The following CDK7 variants were observed in gnomAD, a reference collection of about 807,000 sequenced individuals.
CDK7 encodes the protein cyclin dependent kinase 7, also known as cyclin-dependent kinase 7.
CDK7 carries 25 observed loss-of-function variants against 49.1 expected under a neutral mutation model. That is an observed-to-expected ratio of 0.51 (90% CI 0.37 to 0.71). CDK7 has a LOEUF of 0.71. Among genes scored for constraint, CDK7 ranks in the 30% least tolerant of loss-of-function variants. CDK7 has a pLI of 0.00. For missense variants in CDK7, 316 were observed against 411.7 expected (o/e 0.77, Z 2.01); for synonymous variants, 107 against 140.0 (o/e 0.76, Z 1.67).
At chr5:69,275,079 AG>A (rs1751978128) in intron 10 of CDK7, among the ~76,000 whole-genome samples, 1 of 151,872 alleles carries the variant, frequency 6.6e-6, no homozygotes. Context: ...AAAAAAAAAA[AG>A]ACAAGCATGA....
At chr5:69,265,587 TG>T (rs1561370048) in intron 8 of CDK7, among the ~76,000 whole-genome samples, 1 of 152,208 alleles carries the variant, frequency 6.6e-6, no homozygotes, top group African/African-American at 2.4e-5. Flanking sequence ...CAGTTTGCTC[TG>T]AGGGTAACTA....
chr5:69,245,860 A>AT (rs1749719858), intron 2 of CDK7, among the ~76,000 whole-genome samples: 1 of 152,146 alleles, frequency 6.6e-6, no homozygotes, highest in Admixed American at 6.6e-5. Flanking sequence ...GTAGCCACTA[A>AT]TTATCCTTTG....
In CDK7 at chr5:69,262,315, A is replaced by G. The variant is rs1430504130; in HGVS notation, c.627+11A>G. 6.2e-7 allele frequency: 1 copy of G among 1,614,098 alleles called. No homozygotes were observed. Among genetic ancestry groups the G allele is most frequent in the Admixed American group, 1.7e-5 (1 of 60,034 alleles). ...GAGTTACTTCTAAGGGTAAGTCTAA[A>G]TTAATGTACGCACTTTAATATTGTT... On this transcript the variant is annotated intron_variant, in intron 8 of 11. Coordinates refer to ENST00000256443, the MANE Select transcript of CDK7 (RefSeq NM_001799.4).
chr5:69,245,715 A>G (rs895258793), intron 2 of CDK7, among the ~76,000 whole-genome samples: 1 of 152,016 alleles, frequency 6.6e-6, no homozygotes, highest in African/African-American at 2.4e-5. Flanking sequence ...TTATTATGGC[A>G]TCAATCTCAT....
chr5:69,235,318 T>G, intron 1 of CDK7, 76 bp from the exon 2 acceptor site: 1 of 1,147,540 alleles, frequency 8.7e-7, no homozygotes, highest in Non-Finnish European at 1.3e-6. Context: ...GCTCTTTGCT[T>G]CGCGAAATGT....
At chr5:69,262,444 G>C (rs1337945321) in intron 8 of CDK7, 140 bp downstream of exon 8, 1 of 1,064,030 alleles carries the variant, frequency 9.4e-7, no homozygotes, top group Non-Finnish European at 1.4e-6. Context: ...CGAGGCAGGT[G>C]GATCACTTGA....
intron 8 of CDK7, among the ~76,000 whole-genome samples, chr5:69,265,091 G>A (rs1250753948): frequency 6.6e-6 from 1 of 151,848 alleles, no homozygotes; most frequent in Non-Finnish European, 1.5e-5. Context: ...GTGAAACCCC[G>A]TCTCTGTTGA....
intron 2 of CDK7, among the ~76,000 whole-genome samples, chr5:69,246,263 A>G (rs1667331626): frequency 6.6e-6 from 1 of 152,000 alleles, no homozygotes; most frequent in South Asian, 2.1e-4. Flanking sequence ...CAGCCTCCTG[A>G]GTAGCTGGGA....
chr5:69,261,183 C>A (rs1029561120), intron 7 of CDK7, among the ~76,000 whole-genome samples: 1 of 152,102 alleles, frequency 6.6e-6, no homozygotes, highest in Non-Finnish European at 1.5e-5. Context: ...GTATAAATCA[C>A]CTAAGCCCTG....
chr5:69,255,369 A>T, intron 4 of CDK7, 91 bp from the exon 5 acceptor site: 1 of 693,432 alleles, frequency 1.4e-6, no homozygotes, highest in Non-Finnish European at 2.5e-6. Flanking sequence ...AACAGTTTAA[A>T]TGCTTTTTAA....
At chr5:69,239,210 T>C (rs1426989226) in intron 2 of CDK7, among the ~76,000 whole-genome samples, 1 of 152,218 alleles carries the variant, frequency 6.6e-6, no homozygotes, top group African/African-American at 2.4e-5. Context: ...TGGACCAGTT[T>C]ACTGTCCCAC....
At chr5:69,267,847 CT>C (rs1269510283) in intron 8 of CDK7, among the ~76,000 whole-genome samples, 1 of 152,130 alleles carries the variant, frequency 6.6e-6, no homozygotes, top group African/African-American at 2.4e-5. Flanking sequence ...ACAATTTGGC[CT>C]GCAAAGTGAG....
At chr5:69,273,129 A>G (rs1751737735) in intron 10 of CDK7, 88 bp downstream of exon 10, 4 of 935,774 alleles carry the variant, frequency 4.3e-6, no homozygotes, top group Admixed American at 5.9e-5. Context: ...TAAAATTAAC[A>G]TTTTTTAAAT....
At chr5:69,272,143 A>G (rs1479949065) in intron 9 of CDK7, among the ~76,000 whole-genome samples, 1 of 152,100 alleles carries the variant, frequency 6.6e-6, no homozygotes, top group Non-Finnish European at 1.5e-5. Flanking sequence ...TATTTGTTGA[A>G]ATGACGGTCT....
Position 69,262,229 on chromosome 5 carries a change from ATTT to A in CDK7, c.553_555del (p.Phe185del). 1 of 1,613,984 alleles carries A rather than the reference ATTT, an allele frequency of 6.2e-7. No homozygotes were observed. The highest frequency in any genetic ancestry group is 1.7e-4 in the Middle Eastern group (1 of 5,896). ...GGTGGTATCGGGCCCCCGAGTTACT[ATTT>A]GGAGCTAGGATGTATGGTGTAGGTG... On this transcript the variant is annotated inframe_deletion, in exon 8 of 12. Transcript: ENST00000256443.
chr5:69,271,570 G>A (rs943017686), intron 9 of CDK7, among the ~76,000 whole-genome samples: 8 of 146,994 alleles, frequency 5.4e-5, no homozygotes, highest in Non-Finnish European at 7.4e-5. Flanking sequence ...GCAGTGCAAT[G>A]GTGTGATCTC....
At chr5:69,265,814 T>C (rs573906959) in intron 8 of CDK7, among the ~76,000 whole-genome samples, 17 of 151,876 alleles carry the variant, frequency 1.1e-4, no homozygotes, top group African/African-American at 3.9e-4. Flanking sequence ...GGAGGCTGAG[T>C]TGGCAGGATC....
intron 1 of CDK7, 81 bp from the exon 2 acceptor site, chr5:69,235,311 CTT>C: frequency 9.2e-7 from 1 of 1,082,148 alleles, no homozygotes; most frequent in South Asian, 1.3e-5. Flanking sequence ...ACTCTGGGCT[CTT>C]TGCTTCGCGA....
intron 10 of CDK7, among the ~76,000 whole-genome samples, chr5:69,276,270 C>A (rs1752127095): frequency 6.6e-6 from 1 of 152,142 alleles, no homozygotes; most frequent in South Asian, 2.1e-4. Context: ...CTCATGTGAT[C>A]CACCCGCCTC....
Sources: gnomAD v4.1 joint callset for allele counts (sites outside exome capture counted in the v4.1 genomes callset) on GRCh38, gnomAD v4.1.1 for gene constraint, MANE v1.5 for transcripts, NCBI Gene and HGNC (gene_info 2026-07-23, HGNC 2026-07-21) for gene names.